Variants in CNTN2 observed in about 807,000 individuals in gnomAD.
CNTN2 encodes contactin 2, also known as contactin-2.
In CNTN2, 53 loss-of-function variants were observed where a neutral mutation model predicts 117.5. The observed-to-expected ratio is 0.45, with a 90% CI of 0.36 to 0.57. The LOEUF is 0.57. Among genes scored for constraint, CNTN2 ranks in the 20% least tolerant of loss-of-function variants. CNTN2 has a pLI of 0.00. For missense variants in CNTN2, 1,106 were observed against 1,404.3 expected (o/e 0.79, Z 3.39); for synonymous variants, 530 against 561.7 (o/e 0.94, Z 0.80).
Position 205,048,282 on chromosome 1 carries a change from T to A in CNTN2, c.-86-4818T>A, listed in dbSNP as rs1347211855. Among the ~76,000 whole-genome samples the A allele has an allele frequency of 4.6e-5, 7 of 152,152 alleles. No homozygotes were observed. In the East Asian group the frequency reaches 1.3e-3, roughly 29 times the overall value. ...CTGGGGTGGAGGGTGTACCTTTTATTTTTTGACTGGCTCCATGCGGGGGGC... is the reference window on the plus strand; with the variant it reads ...CTGGGGTGGAGGGTGTACCTTTTATATTTTGACTGGCTCCATGCGGGGGGC... On this transcript the variant is annotated intron_variant, in intron 1 of 22. Transcript: ENST00000331830. The surrounding 1 kb of genome is among the most constrained non-coding windows in gnomAD (Gnocchi z 4.1).
At position 205,062,476 on chromosome 1, in the gene CNTN2, T is replaced by A; in HGVS notation, c.1147T>A (p.Ser383Thr). The change falls in exon 10 of 23, where the codon TCC becomes ACC. Residue 383 changes from serine (S) to threonine (T), a missense_variant. Transcript: ENST00000331830. ...VEVLAGDLRF[S>T]KLSLEDSGMY... ...GGTGTTGGCTGGGGACCTGCGGTTC[T>A]CCAAGCTGAGCCTGGAAGACTCGGG... 2 of 1,614,070 alleles carry A rather than the reference T, an allele frequency of 1.2e-6. No homozygotes were observed. Among genetic ancestry groups the A allele is most frequent in the Non-Finnish European group, 8.5e-7 (1 of 1,179,976 alleles).
chr1:205,072,214 A>T, intron 20 of CNTN2, 81 bp downstream of exon 20: 1 of 1,366,844 alleles, frequency 7.3e-7, no homozygotes, highest in Non-Finnish European at 1.0e-6. Context: ...CCCCAATGAT[A>T]AGACAAATGC....
chr1:205,074,803 T>C lies in CNTN2; in HGVS notation c.*1038T>C, dbSNP rs552466100. ...AGCATTCATGCTGTGTGTCCTGGTATTGGGAGGTTTCTGGGAAGGGCAGAG... is the reference window on the plus strand; with the variant it reads ...AGCATTCATGCTGTGTGTCCTGGTACTGGGAGGTTTCTGGGAAGGGCAGAG... On this transcript the variant is annotated 3_prime_UTR_variant, in exon 23 of 23. Transcript: ENST00000331830. The C allele has an allele frequency of 1.3e-5, 5 of 398,686 alleles. No homozygotes were observed. Among genetic ancestry groups the C allele is most frequent in the African/African-American group, 1.0e-4 (5 of 48,730 alleles). 24.7% of individuals were successfully genotyped at this position (398,686 alleles called of 1,614,324 possible).
rs897142507 is a variant in CNTN2 at position 205,043,218 on chromosome 1, A to G, written c.-263A>G. ...AGTGGCTCCGGGCGCGCTCACACAC[A>G]CGCGCCCTCACCCGCCACCGCCGCC... On this transcript the variant is annotated 5_prime_UTR_variant, in exon 1 of 23. Transcript: ENST00000331830. 31 of 152,834 alleles carry G rather than the reference A, an allele frequency of 2.0e-4. No homozygotes were observed. The highest frequency in any genetic ancestry group is 7.5e-4 in the African/African-American group (31 of 41,480). 9.5% of individuals were successfully genotyped at this position (152,834 alleles called of 1,614,324 possible).
intron 1 of CNTN2, among the ~76,000 whole-genome samples, chr1:205,047,495 A>AAG (rs1206995454): frequency 5.9e-5 from 9 of 152,092 alleles, no homozygotes; most frequent in African/African-American, 2.2e-4. Flanking sequence ...GGCTGTTGAG[A>AAG]AGGAGTACCT....
At position 205,061,930 on chromosome 1, in the gene CNTN2, G is replaced by A; in HGVS notation, c.1039G>A (p.Gly347Ser). The change falls in exon 9 of 23, where the codon GGC becomes AGC. Residue 347 changes from glycine (G) to serine (S), a missense_variant. Coordinates refer to ENST00000331830, the MANE Select transcript of CNTN2 (RefSeq NM_005076.5). The surrounding 1 kb of genome is among the most constrained non-coding windows in gnomAD (Gnocchi z 4.8). ...EADIGSNLRW[G>S]CAAAGKPRPT... ...TGACATTGGCTCCAACCTGCGTTGG[G>A]GCTGTGCAGCCGCCGGCAAGCCCCG... 16 of 1,608,190 alleles carry A rather than the reference G, an allele frequency of 9.9e-6. No homozygotes were observed. Among genetic ancestry groups the A allele is most frequent in the Non-Finnish European group, 1.4e-5 (16 of 1,177,070 alleles).
rs1414964525 is a variant in CNTN2, at chr1:205,060,025, GA to G, written c.797+344del. On this transcript the variant is annotated intron_variant, in intron 7 of 22. Coordinates refer to ENST00000331830, the MANE Select transcript of CNTN2 (RefSeq NM_005076.5). ...TCAGATCCCAGCTCTGCCACCCGCAGACCTTGGGTAAACTGCCTAACCTCTC... is the reference window on the plus strand; with the variant it reads ...TCAGATCCCAGCTCTGCCACCCGCAGCCTTGGGTAAACTGCCTAACCTCTC... 3.1e-5 allele frequency: 9 copies of G among 291,018 alleles called. No homozygotes were observed. In the East Asian group the frequency reaches 6.1e-4, roughly 20 times the overall value. 18.0% of individuals were successfully genotyped at this position (291,018 alleles called of 1,614,324 possible).
intron 16 of CNTN2, chr1:205,069,151 G>T: frequency 4.3e-6 from 1 of 229,888 alleles, no homozygotes; most frequent in Non-Finnish European, 8.5e-6. Context: ...CAATGATCAT[G>T]TGTGCATCAT....
Position 205,066,195 on chromosome 1 carries a change from A to G in CNTN2, c.1817-246A>G, listed in dbSNP as rs562946365. On this transcript the variant is annotated intron_variant, in intron 14 of 22. Transcript: ENST00000331830. ...TTCAAAGCCTAGTGCTGGGAGATCTATGCACCTCTCCATGTGACAGCCTCT... is the reference window on the plus strand; with the variant it reads ...TTCAAAGCCTAGTGCTGGGAGATCTGTGCACCTCTCCATGTGACAGCCTCT... The G allele has an allele frequency of 8.1e-5, 49 of 607,918 alleles. 2 individuals are homozygous for G. The highest frequency in any genetic ancestry group is 3.1e-4 in the South Asian group (15 of 49,122). The allele number at this position is 607,918 out of a possible 1,614,324, so 37.7% of individuals were successfully genotyped here.
intron 10 of CNTN2, among the ~76,000 whole-genome samples, chr1:205,063,967 C>T (rs1276231738): frequency 6.6e-6 from 1 of 151,768 alleles, no homozygotes; most frequent in Admixed American, 6.6e-5. Context: ...GAGCAAGATG[C>T]GATTGGAAAG....
At chr1:205,062,301 T>C in intron 9 of CNTN2, 139 bp from the exon 10 acceptor site, 1 of 1,253,238 alleles carries the variant, frequency 8.0e-7, no homozygotes, top group South Asian at 1.5e-5. Context: ...CAGGCAGCCC[T>C]GAGGTAGGAC....
Position 205,048,527 on chromosome 1 carries a change from C to T in CNTN2, c.-86-4573C>T, listed in dbSNP as rs79194553. 6.6e-6 allele frequency among the ~76,000 whole-genome samples: 1 copy of T among 152,162 alleles called. No individual in the cohort carries two copies. ...TTGCCTGTGCCAGTCTGTGCCTGCA[C>T]CCCTGCACCAGGGCAGCTGGCCTGG... On this transcript the variant is annotated intron_variant, in intron 1 of 22. Transcript: ENST00000331830. The surrounding 1 kb of genome is among the most constrained non-coding windows in gnomAD (Gnocchi z 4.1).
At position 205,067,176 on chromosome 1, in the gene CNTN2, G is replaced by A. The variant is rs1176220872; in HGVS notation, c.2051G>A (p.Arg684Gln). ...GLTPWMDYEF[R>Q]VIASNILGTG... is the part of the protein sequence containing the mutation. ...ACCCCCTGGATGGACTATGAGTTCC[G>A]GGTCATAGCCAGCAACATTCTGGGC... The change falls in exon 16 of 23, where the codon CGG becomes CAG. Residue 684 changes from arginine to glutamine, a missense_variant. Arg to Gln is a conservative substitution (Grantham distance 43). Coordinates refer to ENST00000331830, the MANE Select transcript of CNTN2 (RefSeq NM_005076.5). 6 of 1,614,112 alleles carry A rather than the reference G, an allele frequency of 3.7e-6. No individual in the cohort carries two copies. The highest frequency in any genetic ancestry group is 1.3e-5 in the African/African-American group (1 of 75,026).
chr1:205,068,080 C>A (rs1205118744), intron 16 of CNTN2: 1 of 152,088 alleles, frequency 6.6e-6, no homozygotes, highest in Non-Finnish European at 1.5e-5. Flanking sequence ...AATTGAATAA[C>A]CTGCCCACAA....
chr1:205,074,448 AG>A lies in CNTN2; in HGVS notation c.*686del. 1 of 398,866 alleles carries A rather than the reference AG, an allele frequency of 2.5e-6. No homozygotes were observed. The highest frequency in any genetic ancestry group is 6.3e-4 in the Middle Eastern group (1 of 1,588). The allele number at this position is 398,866 out of a possible 1,614,324, so 24.7% of individuals were successfully genotyped here. A position where few individuals can be genotyped will look rare whatever the true frequency, so the allele number is the denominator to read the frequency against. ...GGGAGCCAAAAAGAGTTGAGAGGCCAGGGCCCTTGGTGGAAAGGGGCACCAG... is the reference window on the plus strand; with the variant it reads ...GGGAGCCAAAAAGAGTTGAGAGGCCAGGCCCTTGGTGGAAAGGGGCACCAG... On this transcript the variant is annotated 3_prime_UTR_variant, in exon 23 of 23. Coordinates refer to ENST00000331830, the MANE Select transcript of CNTN2 (RefSeq NM_005076.5).
At position 205,059,760 on chromosome 1, in the gene CNTN2, T is replaced by C. The variant is rs959767931; in HGVS notation, c.797+78T>C. 159 of 1,178,642 alleles carry C rather than the reference T, an allele frequency of 1.3e-4. 1 individual carries two copies. Among genetic ancestry groups the C allele is most frequent in the Middle Eastern group, 8.3e-4 (4 of 4,806 alleles). The allele number at this position is 1,178,642 out of a possible 1,614,324, so 73.0% of individuals were successfully genotyped here. A position where few individuals can be genotyped will look rare whatever the true frequency, so the allele number is the denominator to read the frequency against. ...GACCCCAGGGTGAGGGCAGGCAGAG[T>C]CAGGGCTCTTATCTTGGTGTCCCTC... On this transcript the variant is annotated intron_variant, in intron 7 of 22. Coordinates refer to ENST00000331830, the MANE Select transcript of CNTN2 (RefSeq NM_005076.5). The surrounding 1 kb of genome is among the most constrained non-coding windows in gnomAD (Gnocchi z 5.6).
At chr1:205,060,513 G>A (rs1440022981) in intron 7 of CNTN2, 1 of 152,008 alleles carries the variant, frequency 6.6e-6, no homozygotes, top group East Asian at 1.9e-4. Context: ...AGGAGATCGA[G>A]ACCATCCTGG....
In CNTN2 at chr1:205,067,204, T is replaced by C. The variant is rs2151196632; in HGVS notation, c.2079T>C (p.Thr693=). Residue 693 remains threonine, a synonymous_variant, in exon 16 of 23, where the codon ACT becomes ACC. Coordinates refer to ENST00000331830, the MANE Select transcript of CNTN2 (RefSeq NM_005076.5). ...FRVIASNILG[T]GEPSGPSSKI... ...TCATAGCCAGCAACATTCTGGGCAC[T>C]GGGGAGCCTAGTGGGCCCTCCAGCA... 6.2e-7 allele frequency: 1 copy of C among 1,614,080 alleles called. No homozygotes were observed. Among genetic ancestry groups the C allele is most frequent in the Non-Finnish European group, 8.5e-7 (1 of 1,179,982 alleles).
In CNTN2 at chr1:205,072,920, G is replaced by A. The variant is rs538344538; in HGVS notation, c.2845-148G>A. ...CCTGCAAGCTTTCCTCCACCAATGAGGAGCTTTGTCAATGGGGAGGAGGGG... is the reference window on the plus strand; with the variant it reads ...CCTGCAAGCTTTCCTCCACCAATGAAGAGCTTTGTCAATGGGGAGGAGGGG... On this transcript the variant is annotated intron_variant, in intron 21 of 22. Transcript: ENST00000331830. 117 of 825,090 alleles carry A rather than the reference G, an allele frequency of 1.4e-4. No homozygotes were observed. In the African/African-American group the frequency reaches 1.8e-3, roughly 13 times the overall value. 51.1% of individuals were successfully genotyped at this position (825,090 alleles called of 1,614,324 possible). A position where few individuals can be genotyped will look rare whatever the true frequency, so the allele number is the denominator to read the frequency against.
Sources: gnomAD v4.1 joint callset for allele counts (sites outside exome capture counted in the v4.1 genomes callset) on GRCh38, gnomAD v4.1.1 for gene constraint, Gnocchi (gnomAD v3.1) non-coding constraint, MANE v1.5 for transcripts, NCBI Gene and HGNC (gene_info 2026-07-23, HGNC 2026-07-21) for gene names.